SS18L1: variants seen among roughly 807,000 people sequenced by gnomAD.
SS18L1 encodes calcium-responsive transactivator.
SS18L1 carries 32 observed loss-of-function variants against 70.3 expected under a neutral mutation model. The ratio of observed to expected loss-of-function variants is 0.46; its 90% CI spans 0.34 to 0.61. The LOEUF is 0.61. Among genes scored for constraint, SS18L1 ranks in the 20% least tolerant of loss-of-function variants. The pLI is 0.01. For synonymous variants in SS18L1, 237 were observed against 229.7 expected, an observed-to-expected ratio of 1.03 and a Z score of -0.29; for missense variants, 430 against 542.1, an observed-to-expected ratio of 0.79 and a Z score of 2.05.
rs527707710 is a variant in SS18L1 at position 62,162,663 on chromosome 20, C to T, written c.377-89C>T. ...TGTTGATAGCAACTCTTCCCAAAGT[C>T]ACTTGAAGGGAAATTGGGGTGTCTT... is the stretch of plus-strand genomic sequence containing the variant. On this transcript the variant is annotated intron_variant, in intron 4 of 10. Coordinates refer to ENST00000331758, the MANE Select transcript of SS18L1 (RefSeq NM_198935.3). The T allele has an allele frequency of 4.3e-6, 6 of 1,405,268 alleles. No individual in the cohort carries two copies. In the East Asian group the frequency reaches 1.4e-4, roughly 33 times the overall value. The allele number at this position is 1,405,268 out of a possible 1,614,324, so 87.0% of individuals were successfully genotyped here.
intron 1 of SS18L1, among the ~76,000 whole-genome samples, chr20:62,147,567 G>C (rs1043645661): frequency 6.6e-6 from 1 of 152,152 alleles, no homozygotes; most frequent in African/African-American, 2.4e-5. Flanking sequence ...GTTTGTATTG[G>C]TTTTCTCATT....
intron 1 of SS18L1, among the ~76,000 whole-genome samples, chr20:62,147,618 T>C (rs1341927884): frequency 6.6e-6 from 1 of 152,178 alleles, no homozygotes; most frequent in Non-Finnish European, 1.5e-5. Context: ...TCTGCCTGTC[T>C]GCTGGGTGTC....
intron 10 of SS18L1, among the ~76,000 whole-genome samples, chr20:62,177,336 G>C (rs943674012): frequency 2.0e-5 from 3 of 151,838 alleles, no homozygotes; most frequent in African/African-American, 7.3e-5. Flanking sequence ...TAGGGCTCCA[G>C]GGCTGCCATG....
intron 1 of SS18L1, among the ~76,000 whole-genome samples, chr20:62,149,985 G>T (rs564036799): frequency 6.6e-6 from 1 of 152,226 alleles, no homozygotes; most frequent in African/African-American, 2.4e-5. Context: ...AGCCCAAAGC[G>T]CCATGAGACT....
intron 8 of SS18L1, among the ~76,000 whole-genome samples, chr20:62,169,655 T>C (rs2057494960): frequency 6.6e-6 from 1 of 152,014 alleles, no homozygotes; most frequent in African/African-American, 2.4e-5. Context: ...GGCGCATGTC[T>C]GTAAAGCCAG....
intron 8 of SS18L1, 27 bp from the exon 9 acceptor site, chr20:62,172,655 C>G (rs780093756): frequency 1.2e-6 from 2 of 1,614,058 alleles, no homozygotes; most frequent in Non-Finnish European, 1.7e-6. Flanking sequence ...TGGGGAAAGT[C>G]ATTTCTGTGT....
intron 1 of SS18L1, among the ~76,000 whole-genome samples, chr20:62,157,835 G>A (rs552634103): frequency 2.0e-5 from 3 of 152,190 alleles, no homozygotes; most frequent in Middle Eastern, 3.4e-3. Context: ...GGTCATGCCC[G>A]GTTCCGCAGT....
chr20:62,149,574 C>T (rs1212655570), intron 1 of SS18L1, among the ~76,000 whole-genome samples: 3 of 152,254 alleles, frequency 2.0e-5, no homozygotes, highest in Non-Finnish European at 4.4e-5. Flanking sequence ...GCCTCCTGGG[C>T]TCACATTCTT....
chr20:62,167,060 T>G (rs2057448453), intron 8 of SS18L1, among the ~76,000 whole-genome samples: 1 of 141,016 alleles, frequency 7.1e-6, no homozygotes, highest in Admixed American at 6.9e-5. Flanking sequence ...TTTTTTTTTT[T>G]TTTGAGACGG....
At chr20:62,153,256 TG>T in intron 1 of SS18L1, among the ~76,000 whole-genome samples, 1 of 152,204 alleles carries the variant, frequency 6.6e-6, no homozygotes, top group East Asian at 1.9e-4. Context: ...TTCTTCCCAC[TG>T]GGTTCCTCCC....
intron 1 of SS18L1, among the ~76,000 whole-genome samples, chr20:62,144,102 G>A (rs1453399535): frequency 6.7e-6 from 1 of 150,372 alleles, no homozygotes; most frequent in African/African-American, 2.4e-5. Flanking sequence ...TCCCCGGAGA[G>A]CCTGCGCCAA....
rs569125648 is a variant in SS18L1, at chr20:62,182,246, G to A, written c.*3038G>A. 2.8e-5 allele frequency: 6 copies of A among 217,598 alleles called. No homozygotes were observed. The South Asian group carries it at 9.3e-4, about 34-fold the overall frequency. 13.5% of individuals were successfully genotyped at this position (217,598 alleles called of 1,614,324 possible). ...TGTCAGGGTTTTTCTACGTGTAGGC[G>A]TGAATAGGGGGCACCCCTTCAAAAC... On this transcript the variant is annotated 3_prime_UTR_variant, in exon 11 of 11. Coordinates refer to ENST00000331758, the MANE Select transcript of SS18L1 (RefSeq NM_198935.3).
At position 62,159,833 on chromosome 20, in the gene SS18L1, T is replaced by G. The variant is rs1036863666; in HGVS notation, c.147-44T>G. ...CTGCCTTGGATCCACGTGGGGACTC[T>G]GTGGTCCCGTCGTCCTGCCTCATGC... On this transcript the variant is annotated intron_variant, in intron 2 of 10. Coordinates refer to ENST00000331758, the MANE Select transcript of SS18L1 (RefSeq NM_198935.3). This position sits in a 1 kb window ranked among gnomAD's most constrained non-coding sequence, Gnocchi z 4.4. 1 of 1,585,624 alleles carries G rather than the reference T, an allele frequency of 6.3e-7. No homozygotes were observed.
chr20:62,162,398 T>G (rs1212118268), intron 4 of SS18L1: 1 of 216,632 alleles, frequency 4.6e-6, no homozygotes, highest in Non-Finnish European at 9.1e-6. Flanking sequence ...GCCTCCCGGG[T>G]TAAAGCAGTT....
At chr20:62,151,333 C>T (rs371875210) in intron 1 of SS18L1, among the ~76,000 whole-genome samples, 8 of 152,176 alleles carry the variant, frequency 5.3e-5, no homozygotes, top group Non-Finnish European at 4.4e-5. Context: ...AGCCAAGCCC[C>T]GTGTCCCCCG....
rs549265389 is a variant in SS18L1 at position 62,161,080 on chromosome 20, G to A, written c.232-356G>A. 3.3e-5 allele frequency among the ~76,000 whole-genome samples: 5 copies of A among 151,900 alleles called. No individual in the cohort carries two copies. The highest frequency in any genetic ancestry group is 2.4e-5 in the African/African-American group (1 of 41,358). On this transcript the variant is annotated intron_variant, in intron 3 of 10. Coordinates refer to ENST00000331758, the MANE Select transcript of SS18L1 (RefSeq NM_198935.3). This position sits in a 1 kb window ranked among gnomAD's most constrained non-coding sequence, Gnocchi z 4.4. Reference sequence around the variant, plus strand: ...AGGGGTCGTGGTTGGGGAGCACAGAGGCGCTGGTCACCTGCGCCCGAGGGG... The same window carrying A: ...AGGGGTCGTGGTTGGGGAGCACAGAAGCGCTGGTCACCTGCGCCCGAGGGG...
chr20:62,171,154 G>A (rs961902570), intron 8 of SS18L1, among the ~76,000 whole-genome samples: 3 of 151,746 alleles, frequency 2.0e-5, no homozygotes, highest in Non-Finnish European at 4.4e-5. Context: ...CACCCGCCTC[G>A]GCCTCCCAAA....
At chr20:62,150,439 G>A (rs2427261) in intron 1 of SS18L1, among the ~76,000 whole-genome samples, 23,670 of 152,152 alleles carry the variant, frequency 0.16, 5,924 homozygotes, top group African/African-American at 0.53. Context: ...TAGCCAGGCT[G>A]GTCCCCCTCA....
rs563055133 is a variant in SS18L1 at position 62,163,627 on chromosome 20, C to A, written c.721+5C>A. ...CCTACCGGCCCTCCCAGCAAGGTAA[C>A]GCCCGGCCGGGCCAGGTCGCGGGCA... On this transcript the variant is annotated splice_donor_5th_base_variant and intron_variant, in intron 6 of 10. Coordinates refer to ENST00000331758, the MANE Select transcript of SS18L1 (RefSeq NM_198935.3). 1 of 1,572,370 alleles carries A rather than the reference C, an allele frequency of 6.4e-7. No homozygotes were observed. Among genetic ancestry groups the A allele is most frequent in the Non-Finnish European group, 8.6e-7 (1 of 1,163,572 alleles).
Sources: gnomAD v4.1 joint callset for allele counts (sites outside exome capture counted in the v4.1 genomes callset) on GRCh38, gnomAD v4.1.1 for gene constraint, Gnocchi (gnomAD v3.1) non-coding constraint, MANE v1.5 for transcripts, NCBI Gene and HGNC (gene_info 2026-07-23, HGNC 2026-07-21) for gene names.